RAD51B: variants seen among roughly 807,000 people sequenced by gnomAD.
The protein encoded by RAD51B is RAD51 paralog B.
A neutral mutation model predicts 42.2 loss-of-function variants in RAD51B; 38 were observed. The observed-to-expected ratio is 0.90, with a 90% CI of 0.70 to 1.18. RAD51B has a LOEUF of 1.18. Among genes scored for constraint, RAD51B ranks in the 50% most tolerant of loss-of-function variants. RAD51B has a pLI of 0.00. For missense variants in RAD51B, 373 were observed against 400.7 expected (o/e 0.93, Z 0.59); for synonymous variants, 154 against 145.2 (o/e 1.06, Z -0.43).
At chr14:67,842,727 G>T (rs984692151) in intron 4 of RAD51B, among the ~76,000 whole-genome samples, 2 of 152,168 alleles carry the variant, frequency 1.3e-5, no homozygotes, top group African/African-American at 4.8e-5. Context: ...ATGTTGAATA[G>T]GAGTGGTGAG....
intron 7 of RAD51B, among the ~76,000 whole-genome samples, chr14:68,219,624 G>C (rs1043675190): frequency 6.6e-6 from 1 of 152,114 alleles, no homozygotes; most frequent in Admixed American, 6.6e-5. Flanking sequence ...TCAGGAAGCC[G>C]CATTCCTGAG....
intron 10 of RAD51B, among the ~76,000 whole-genome samples, chr14:68,557,798 A>G (rs892923245): frequency 6.6e-6 from 1 of 152,216 alleles, no homozygotes; most frequent in Admixed American, 6.5e-5. Flanking sequence ...TGCAAAGTGG[A>G]AAGGTAACGT....
intron 7 of RAD51B, among the ~76,000 whole-genome samples, chr14:67,953,063 C>A (rs571634909): frequency 6.6e-6 from 1 of 152,142 alleles, no homozygotes; most frequent in South Asian, 2.1e-4. Flanking sequence ...GATATTACTT[C>A]TGTCCTCAGA....
At chr14:68,155,956 A>C (rs1468798845) in intron 7 of RAD51B, among the ~76,000 whole-genome samples, 1 of 152,244 alleles carries the variant, frequency 6.6e-6, no homozygotes, top group Admixed American at 6.5e-5. Flanking sequence ...ATTAGCATTT[A>C]GAGTTTCTTC....
chr14:68,645,201 C>G (rs368878043), intron 10 of RAD51B, among the ~76,000 whole-genome samples: 1 of 152,172 alleles, frequency 6.6e-6, no homozygotes, highest in Non-Finnish European at 1.5e-5. Context: ...CTTTCTGTCT[C>G]TGTGATTTTG....
At chr14:68,613,878 A>G (rs1204493787), downstream of RAD51B, among the ~76,000 whole-genome samples, 1 of 152,190 alleles carries the variant, frequency 6.6e-6, no homozygotes, top group Non-Finnish European at 1.5e-5. Flanking sequence ...CGATTTTTGG[A>G]GTCAGAGAGG....
At chr14:68,611,114 G>A in exon 11 of RAD51B, 1 of 703,120 alleles carries the variant, frequency 1.4e-6, no homozygotes, top group South Asian at 1.5e-5. Flanking sequence ...AGAAAAACAA[G>A]GAATCCCAGG....
chr14:67,990,837 A>C (rs2075284470), intron 7 of RAD51B, among the ~76,000 whole-genome samples: 1 of 152,230 alleles, frequency 6.6e-6, no homozygotes, highest in Non-Finnish European at 1.5e-5. Flanking sequence ...CTGGAAAGCT[A>C]TGATCCTACA....
intron 7 of RAD51B, among the ~76,000 whole-genome samples, chr14:68,183,375 A>C (rs1027380053): frequency 6.6e-6 from 1 of 152,232 alleles, no homozygotes; most frequent in African/African-American, 2.4e-5. Flanking sequence ...ATGAAGACTC[A>C]GCAAGTCAAG....
chr14:68,353,030 A>G (rs1333812405), intron 8 of RAD51B, among the ~76,000 whole-genome samples: 1 of 152,172 alleles, frequency 6.6e-6, no homozygotes, highest in African/African-American at 2.4e-5. Context: ...CGCACAGCTC[A>G]TTGGAAGTTT....
rs77840721 is a variant in RAD51B at position 68,030,401 on chromosome 14, T to C, written c.756+143197T>C. ...TCTGGATAACTTTCTGCCGGTTTTA[T>C]ATCAGTACTTCCTGCTTCACCTTGC... On this transcript the variant is annotated intron_variant, in intron 7 of 10. Transcript: ENST00000471583. 8.1e-3 allele frequency among the ~76,000 whole-genome samples: 1,227 copies of C among 152,352 alleles called. 15 individuals are homozygous for C. Among genetic ancestry groups the C allele is most frequent in the African/African-American group, 0.028 (1,150 of 41,590 alleles).
chr14:67,958,696 G>A (rs1408939423), intron 7 of RAD51B, among the ~76,000 whole-genome samples: 1 of 152,220 alleles, frequency 6.6e-6, no homozygotes, highest in East Asian at 1.9e-4. Context: ...CTGTAGCCAA[G>A]TGAATAAGGT....
intron 10 of RAD51B, among the ~76,000 whole-genome samples, chr14:68,619,704 G>A (rs530381866): frequency 3.2e-4 from 49 of 152,182 alleles, no homozygotes; most frequent in Middle Eastern, 3.4e-3. Context: ...AGGCCACAAC[G>A]AACATATAAC....
chr14:68,557,264 A>G (rs1040086592), intron 10 of RAD51B, among the ~76,000 whole-genome samples: 1 of 152,208 alleles, frequency 6.6e-6, no homozygotes, highest in African/African-American at 2.4e-5. Context: ...TAATTCACCC[A>G]ACTTACCAAA....
At position 68,272,000 on chromosome 14, in the gene RAD51B, G is replaced by A. The variant is rs572377010; in HGVS notation, c.757-19884G>A. ...CTTTGTGAGATACTTGTTTCAACTC[G>A]AAAATGAAACAGCAAGCAATTTTTG... On this transcript the variant is annotated intron_variant, in intron 7 of 10. Transcript: ENST00000471583. Among the ~76,000 whole-genome samples, 34 of 152,302 alleles carry A rather than the reference G, an allele frequency of 2.2e-4. 1 individual carries two copies. Among genetic ancestry groups the A allele is most frequent in the Middle Eastern group, 3.4e-3 (1 of 294 alleles).
intron 9 of RAD51B, among the ~76,000 whole-genome samples, chr14:68,462,708 CT>C (rs2085875582): frequency 6.6e-6 from 1 of 152,158 alleles, no homozygotes; most frequent in Non-Finnish European, 1.5e-5. Flanking sequence ...TGGGTGACCA[CT>C]TTCCTTGCAA....
intron 7 of RAD51B, among the ~76,000 whole-genome samples, chr14:68,091,103 G>C (rs1793226281): frequency 6.6e-6 from 1 of 151,984 alleles, no homozygotes; most frequent in South Asian, 2.1e-4. Flanking sequence ...GTCTATCATT[G>C]TTGGACATTT....
intron 10 of RAD51B, among the ~76,000 whole-genome samples, chr14:68,477,176 C>CT (rs1363859321): frequency 6.6e-6 from 1 of 152,228 alleles, no homozygotes; most frequent in Non-Finnish European, 1.5e-5. Flanking sequence ...GAGGCCAAGT[C>CT]TCCCCCACAG....
chr14:68,586,456 C>G (rs1566946164), intron 10 of RAD51B, among the ~76,000 whole-genome samples: 1 of 152,194 alleles, frequency 6.6e-6, no homozygotes, highest in East Asian at 1.9e-4. Flanking sequence ...TCATGTGTTT[C>G]TCTGGTTTTA....
Sources: gnomAD v4.1 joint callset for allele counts (sites outside exome capture counted in the v4.1 genomes callset) on GRCh38, gnomAD v4.1.1 for gene constraint, MANE v1.5 for transcripts, NCBI Gene and HGNC (gene_info 2026-07-23, HGNC 2026-07-21) for gene names.